The following AR variants were observed in gnomAD, a reference collection of about 807,000 sequenced individuals.
AR encodes dihydrotestosterone receptor.
A neutral mutation model predicts 53.9 loss-of-function variants in AR; 8 were observed. The observed-to-expected ratio is 0.15, with a 90% confidence interval of 0.09 to 0.27. AR has a LOEUF of 0.27. Ranked by LOEUF, AR falls within the 10% of genes least tolerant of loss-of-function variation. AR has a pLI of 1.00. For missense variants in AR, 639 were observed against 742.5 expected (o/e 0.86, Z 1.62); for synonymous variants, 359 against 316.4 (o/e 1.13, Z -1.43).
At chrX:67,685,948 C>T (rs988430716) in intron 2 of AR, 62 bp from the exon 3 acceptor site, 37 of 1,200,856 alleles carry the variant, frequency 3.1e-5, no homozygotes, top group African/African-American at 1.2e-4. Context: ...TAGAAATACC[C>T]GAAGAAAGAG....
chrX:67,660,930 G>A (rs373150012), intron 2 of AR, among the ~76,000 whole-genome samples: 5 of 111,236 alleles, frequency 4.5e-5, no homozygotes, highest in Non-Finnish European at 3.8e-5. Flanking sequence ...GGTCCTTCAA[G>A]TCCCTTGTAA....
intron 2 of AR, among the ~76,000 whole-genome samples, chrX:67,677,413 A>T (rs1380772019): frequency 9.0e-6 from 1 of 111,681 alleles, no homozygotes; most frequent in South Asian, 3.8e-4. Context: ...ACAAAAAAAG[A>T]ATGCACCGTA....
chrX:67,549,512 G>A (rs1018306418), intron 1 of AR, among the ~76,000 whole-genome samples: 10 of 111,828 alleles, frequency 8.9e-5, no homozygotes, highest in Non-Finnish European at 1.5e-4. Flanking sequence ...AAGTGATGGG[G>A]CTTGTGTGCA....
At chrX:67,632,564 C>T (rs949421984) in intron 1 of AR, among the ~76,000 whole-genome samples, 8 of 112,175 alleles carry the variant, frequency 7.1e-5, no homozygotes, top group South Asian at 3.7e-4. Context: ...GAGATGAGCC[C>T]GCTACCTCAG....
At position 67,725,728 on chromosome X, in the gene AR, TAGTC is replaced by T. The variant is rs1281370331; in HGVS notation, c.*1890_*1893del. ...ATTCCCCACCTTTGTTGCTGCCTCT[TAGTC>T]AGAGGGAGGCCAAACCATTGAGACT... On this transcript the variant is annotated 3_prime_UTR_variant, in exon 8 of 8. Coordinates refer to ENST00000374690, the MANE Select transcript of AR (RefSeq NM_000044.6). 4 of 173,932 alleles carry T rather than the reference TAGTC, an allele frequency of 2.3e-5. No individual in the cohort carries two copies. The highest frequency in any genetic ancestry group is 8.1e-5 in the East Asian group (1 of 12,356). The allele number at this position is 173,932 out of a possible 1,213,427, so 14.3% of individuals were successfully genotyped here. A position where few individuals can be genotyped will look rare whatever the true frequency, so the allele number is the denominator to read the frequency against.
At chrX:67,625,422 A>G (rs770782328) in intron 1 of AR, among the ~76,000 whole-genome samples, 3 of 111,176 alleles carry the variant, frequency 2.7e-5, no homozygotes, top group Non-Finnish European at 5.7e-5. Flanking sequence ...TTAATATTTA[A>G]ATACATGGAA....
intron 2 of AR, among the ~76,000 whole-genome samples, chrX:67,667,634 C>T (rs1344361601): frequency 9.0e-6 from 1 of 111,323 alleles, no homozygotes; most frequent in East Asian, 2.8e-4. Context: ...TGCGTTGAAT[C>T]TGTAGATAGC....
Position 67,628,770 on chromosome X carries a change from G to A in AR, c.1617-14486G>A, listed in dbSNP as rs778784406. Among the ~76,000 whole-genome samples, 4 of 111,573 alleles carry A rather than the reference G, an allele frequency of 3.6e-5. No individual in the cohort carries two copies. The South Asian group carries it at 1.5e-3, about 42-fold the overall frequency. On this transcript the variant is annotated intron_variant, in intron 1 of 7. Coordinates refer to ENST00000374690, the MANE Select transcript of AR (RefSeq NM_000044.6). Reference sequence around the variant, plus strand: ...ACCATTCAGTATGTTATTGGCTGTGGGTTTGTCATAGATAGCTCTTATTAT... The same window carrying A: ...ACCATTCAGTATGTTATTGGCTGTGAGTTTGTCATAGATAGCTCTTATTAT...
intron 1 of AR, among the ~76,000 whole-genome samples, chrX:67,570,239 A>G (rs1426328055): frequency 1.8e-5 from 2 of 111,876 alleles, no homozygotes; most frequent in Non-Finnish European, 3.8e-5. Flanking sequence ...CTGTCTATGT[A>G]TATTGGCTTC....
intron 2 of AR, among the ~76,000 whole-genome samples, chrX:67,657,885 T>G (rs761004518): frequency 1.8e-5 from 2 of 111,923 alleles, no homozygotes; most frequent in Non-Finnish European, 3.8e-5. Flanking sequence ...TTAAATTTCC[T>G]TAGCATCCAT....
In AR at chrX:67,728,912, G is replaced by A. The variant is rs1308333148; in HGVS notation, c.*5071G>A. ...GCATAAAAACTCAATGGAACTGACT[G>A]AGATTTACCACAGGGAAGGCCCAAA... is the stretch of plus-strand genomic sequence containing the variant. On this transcript the variant is annotated 3_prime_UTR_variant, in exon 8 of 8. Transcript: ENST00000374690. 7 of 171,491 alleles carry A rather than the reference G, an allele frequency of 4.1e-5. No individual in the cohort carries two copies. Among genetic ancestry groups the A allele is most frequent in the South Asian group, 3.2e-4 (1 of 3,124 alleles). 14.1% of individuals were successfully genotyped at this position (171,491 alleles called of 1,213,427 possible).
chrX:67,709,207 C>T (rs1214655520), intron 3 of AR, among the ~76,000 whole-genome samples: 3 of 112,127 alleles, frequency 2.7e-5, no homozygotes, highest in African/African-American at 9.7e-5. Flanking sequence ...GTTTCTGCTG[C>T]CTTTTGTTCG....
At chrX:67,704,950 G>A (rs1390637438) in intron 3 of AR, among the ~76,000 whole-genome samples, 2 of 111,840 alleles carry the variant, frequency 1.8e-5, no homozygotes, top group East Asian at 5.6e-4. Flanking sequence ...AAGATCAGAT[G>A]GTTGTAGATA....
At chrX:67,633,307 G>A (rs1038427475) in intron 1 of AR, among the ~76,000 whole-genome samples, 75 of 111,135 alleles carry the variant, frequency 6.7e-4, no homozygotes, top group African/African-American at 2.4e-3. Context: ...CATCAAGTAG[G>A]CCCTGGTGCC....
At chrX:67,637,380 A>G (rs1178339004) in intron 1 of AR, among the ~76,000 whole-genome samples, 1 of 82,328 alleles carries the variant, frequency 1.2e-5, no homozygotes, top group Non-Finnish European at 2.2e-5. Flanking sequence ...TCCTGTGTCC[A>G]TGTGTTCTCA....
At chrX:67,623,852 G>A (rs1173402282) in intron 1 of AR, among the ~76,000 whole-genome samples, 1 of 111,348 alleles carries the variant, frequency 9.0e-6, no homozygotes, top group East Asian at 2.8e-4. Context: ...AAAAGAAAAT[G>A]CCATTGCATT....
intron 3 of AR, among the ~76,000 whole-genome samples, chrX:67,700,317 A>G (rs2076037196): frequency 1.8e-5 from 2 of 111,677 alleles, no homozygotes; most frequent in Admixed American, 1.9e-4. Context: ...AAAGAATTAG[A>G]TTTGACTCTG....
intron 1 of AR, among the ~76,000 whole-genome samples, chrX:67,631,341 T>G (rs1925096190): frequency 9.0e-6 from 1 of 111,220 alleles, no homozygotes; most frequent in South Asian, 3.8e-4. Flanking sequence ...GCTCGTTTCT[T>G]TTTATTCTTT....
At chrX:67,605,240 T>A (rs1458769364) in intron 1 of AR, among the ~76,000 whole-genome samples, 2 of 112,522 alleles carry the variant, frequency 1.8e-5, no homozygotes, top group Non-Finnish European at 3.7e-5. Context: ...CCTTCACTTT[T>A]GTCCCTCAGG....
Sources: gnomAD v4.1 joint callset for allele counts (sites outside exome capture counted in the v4.1 genomes callset) on GRCh38, gnomAD v4.1.1 for gene constraint, MANE v1.5 for transcripts, NCBI Gene and HGNC (gene_info 2026-07-23, HGNC 2026-07-21) for gene names.